The following DCN variants were observed in gnomAD, a reference collection of about 807,000 sequenced individuals.
DCN encodes the protein decorin.
In DCN, 17 loss-of-function variants were observed where a neutral mutation model predicts 36.5. That is an observed-to-expected ratio of 0.47 (90% CI 0.32 to 0.70). DCN has a LOEUF of 0.70. Ranked by LOEUF, DCN falls within the 30% of genes least tolerant of loss-of-function variation. DCN has a pLI of 0.04. For synonymous variants in DCN, 163 were observed against 161.4 expected (o/e 1.01, Z -0.07); for missense variants, 389 against 430.1 (o/e 0.90, Z 0.84).
intron 5 of DCN, 36 bp from the exon 6 acceptor site, chr12:91,153,225 T>A (rs1486416132): frequency 5.2e-6 from 6 of 1,143,516 alleles, no homozygotes; most frequent in Non-Finnish European, 8.0e-6. Flanking sequence ...AATTAGCAGA[T>A]AAACATTATA....
At chr12:91,167,822 T>TTTTTTG (rs573223537) in intron 2 of DCN, among the ~76,000 whole-genome samples, 91 of 152,114 alleles carry the variant, frequency 6.0e-4, no homozygotes, top group Admixed American at 3.5e-3. Context: ...CAGAACTATG[T>TTTTTTG]TTTTTGTTTT....
intron 3 of DCN, among the ~76,000 whole-genome samples, chr12:91,163,962 C>T (rs1310145249): frequency 6.6e-6 from 1 of 151,802 alleles, no homozygotes; most frequent in African/African-American, 2.4e-5. Context: ...TTCCTGAAAA[C>T]GTGAGAGAGA....
intron 7 of DCN, among the ~76,000 whole-genome samples, chr12:91,148,367 C>T (rs1881173622): frequency 6.6e-6 from 1 of 152,046 alleles, no homozygotes; most frequent in Non-Finnish European, 1.5e-5. Flanking sequence ...GCCACTGCGT[C>T]CTGCCACCAA....
At chr12:91,171,189 AC>A (rs1192828253) in intron 2 of DCN, among the ~76,000 whole-genome samples, 4 of 152,230 alleles carry the variant, frequency 2.6e-5, no homozygotes, top group Admixed American at 2.0e-4. Flanking sequence ...GAATTAAGTA[AC>A]TATGAAGTTA....
intron 2 of DCN, chr12:91,175,249 A>G (rs530843168): frequency 1.1e-4 from 16 of 152,100 alleles, no homozygotes; most frequent in African/African-American, 3.1e-4. Context: ...TGTGGTTCCA[A>G]TTACAAGGTA....
chr12:91,160,408 A>AT (rs907745350), intron 3 of DCN, among the ~76,000 whole-genome samples: 3 of 151,852 alleles, frequency 2.0e-5, no homozygotes, highest in Non-Finnish European at 4.4e-5. Context: ...TTTTAATATG[A>AT]TTTTTTTCTC....
chr12:91,165,372 G>A (rs1882489916), intron 2 of DCN, among the ~76,000 whole-genome samples: 1 of 152,140 alleles, frequency 6.6e-6, no homozygotes, highest in Non-Finnish European at 1.5e-5. Context: ...TGACATATCT[G>A]AAATTAATTT....
At chr12:91,169,013 A>T (rs972910030) in intron 2 of DCN, among the ~76,000 whole-genome samples, 1 of 130,280 alleles carries the variant, frequency 7.7e-6, no homozygotes, top group African/African-American at 2.6e-5. Flanking sequence ...TTGTATTTTC[A>T]AAAACAAACA....
At chr12:91,177,499 G>T (rs1435168788) in intron 2 of DCN, 1 of 682,736 alleles carries the variant, frequency 1.5e-6, no homozygotes, top group Non-Finnish European at 2.6e-6. Context: ...CCCTTCAAAA[G>T]GAGGAATGTG....
intron 3 of DCN, among the ~76,000 whole-genome samples, chr12:91,159,146 A>T (rs1881998064): frequency 6.6e-6 from 1 of 152,118 alleles, no homozygotes; most frequent in East Asian, 1.9e-4. Flanking sequence ...AATTGAAATG[A>T]CCCTAGATAC....
In DCN at chr12:91,141,704, T is replaced by G. The variant is rs2121102044; in HGVS notation, c.*4354A>C. 1 of 152,208 alleles carries G rather than the reference T, an allele frequency of 6.6e-6. No homozygotes were observed. Among genetic ancestry groups the G allele is most frequent in the African/African-American group, 2.4e-5 (1 of 41,536 alleles). 9.4% of individuals were successfully genotyped at this position (152,208 alleles called of 1,614,324 possible). A position where few individuals can be genotyped will look rare whatever the true frequency, so the allele number is the denominator to read the frequency against. ...GTTGGATTATTTTGACATTTTTGAG[T>G]GTATTTTAAAATTGATTTGTGTTTC... On this transcript the variant is annotated 3_prime_UTR_variant, in exon 8 of 8. Transcript: ENST00000052754.
At chr12:91,169,402 C>CAAAAAA (rs1882798799) in intron 2 of DCN, among the ~76,000 whole-genome samples, 3 of 78,030 alleles carry the variant, frequency 3.8e-5, no homozygotes, top group Admixed American at 1.3e-4. Flanking sequence ...AAAAAAAAAA[C>CAAAAAA]CAAAAAACAG....
intron 7 of DCN, 43 bp from the exon 8 acceptor site, chr12:91,146,295 A>G: frequency 9.1e-7 from 1 of 1,103,422 alleles, no homozygotes. Flanking sequence ...TTCTCTAAAT[A>G]TGTTGAGGCC....
chr12:91,177,316 A>G (rs1228428593), intron 2 of DCN: 1 of 474,762 alleles, frequency 2.1e-6, no homozygotes, highest in East Asian at 3.4e-5. Context: ...CCAATTGTAG[A>G]AGTTGCATTT....
At chr12:91,177,208 A>G (rs552100864) in intron 2 of DCN, 217 of 207,188 alleles carry the variant, frequency 1.0e-3, no homozygotes, top group African/African-American at 4.8e-3. Context: ...TTAAATAGCT[A>G]TACAATATAT....
chr12:91,168,053 G>T (rs1472832914), intron 2 of DCN, among the ~76,000 whole-genome samples: 2 of 152,018 alleles, frequency 1.3e-5, no homozygotes, highest in Admixed American at 1.3e-4. Context: ...GGATGGTCTC[G>T]ATCTCCTGAC....
chr12:91,160,393 C>G (rs3138238), intron 3 of DCN, among the ~76,000 whole-genome samples: 14 of 151,654 alleles, frequency 9.2e-5, no homozygotes, highest in African/African-American at 2.9e-4. Context: ...TTTTTAAAAC[C>G]TGACTTTTAA....
chr12:91,152,413 AG>A (rs1881491762), intron 6 of DCN, among the ~76,000 whole-genome samples: 1 of 152,136 alleles, frequency 6.6e-6, no homozygotes, highest in Non-Finnish European at 1.5e-5. Flanking sequence ...GCTTCTCTGT[AG>A]GGACAGTCAG....
intron 3 of DCN, among the ~76,000 whole-genome samples, chr12:91,163,819 A>G (rs1030565231): frequency 2.0e-5 from 3 of 152,190 alleles, no homozygotes; most frequent in Non-Finnish European, 4.4e-5. Context: ...ACTTTAGAAC[A>G]TCATTCACAC....
Sources: gnomAD v4.1 joint callset for allele counts (sites outside exome capture counted in the v4.1 genomes callset) on GRCh38, gnomAD v4.1.1 for gene constraint, MANE v1.5 for transcripts, NCBI Gene and HGNC (gene_info 2026-07-23, HGNC 2026-07-21) for gene names.